The following MYPN variants were observed in gnomAD, a reference collection of about 807,000 sequenced individuals.
MYPN encodes myopalladin, also known as sarcomeric protein myopalladin, 145 kDa (MYOP).
Under a neutral mutation model 129.4 loss-of-function variants are expected in MYPN, and 63 were observed. That is an observed-to-expected ratio of 0.49 (90% confidence interval 0.40 to 0.60). MYPN has a LOEUF of 0.60. MYPN is among the 20% of genes least tolerant of loss of function. The probability of loss-of-function intolerance (pLI) is 0.00; values close to 1 mark genes in which losing one functional copy is unlikely to be tolerated. For synonymous variants in MYPN, 629 were observed against 600.9 expected (o/e 1.05, Z -0.68); for missense variants, 1,596 against 1,635.4 (o/e 0.98, Z 0.42).
At chr10:68,169,459 G>A (rs1309298533) in intron 10 of MYPN, among the ~76,000 whole-genome samples, 1 of 152,086 alleles carries the variant, frequency 6.6e-6, no homozygotes, top group African/African-American at 2.4e-5. Context: ...AGGTACGTCG[G>A]TTAGGATTAA....
At chr10:68,141,295 G>T (rs1161058294) in intron 2 of MYPN, among the ~76,000 whole-genome samples, 1 of 152,056 alleles carries the variant, frequency 6.6e-6, no homozygotes, top group African/African-American at 2.4e-5. Flanking sequence ...CTTGAACCCG[G>T]GGGGCAGAGG....
intron 10 of MYPN, 26 bp downstream of exon 10, chr10:68,166,692 C>T: frequency 1.9e-6 from 3 of 1,613,182 alleles, no homozygotes; most frequent in Non-Finnish European, 2.5e-6. Flanking sequence ...GATGAATAAC[C>T]AGGAGCTTCT....
intron 18 of MYPN, 82 bp from the exon 19 acceptor site, chr10:68,206,688 C>T: frequency 6.3e-7 from 1 of 1,589,806 alleles, no homozygotes; most frequent in Non-Finnish European, 8.6e-7. Context: ...GCTGAGTTCC[C>T]CCTTCTTCCT....
In MYPN at chr10:68,211,852, T is replaced by A. The variant is rs1347421450; in HGVS notation, c.*1397T>A. ...TGCAGGGAAATGAATTGCAGGTGTC[T>A]GTTTTCAATTCCCTGTGCTGGAATC... On this transcript the variant is annotated 3_prime_UTR_variant, in exon 20 of 20. Coordinates refer to ENST00000358913, the MANE Select transcript of MYPN (RefSeq NM_032578.4). 4.4e-6 allele frequency: 2 copies of A among 453,410 alleles called. No homozygotes were observed. The highest frequency in any genetic ancestry group is 2.0e-5 in the African/African-American group (1 of 50,008). The allele number at this position is 453,410 out of a possible 1,614,324, so 28.1% of individuals were successfully genotyped here. A position where few individuals can be genotyped will look rare whatever the true frequency, so the allele number is the denominator to read the frequency against.
intron 19 of MYPN, 95 bp downstream of exon 19, chr10:68,206,998 C>T (rs1335613211): frequency 2.7e-6 from 4 of 1,492,246 alleles, no homozygotes; most frequent in African/African-American, 1.4e-5. Flanking sequence ...TGGCTCATGC[C>T]TGTAATCCCA....
chr10:68,098,268 C>T (rs57179387), intron 1 of MYPN, among the ~76,000 whole-genome samples: 11,922 of 152,006 alleles, frequency 0.078, 1,231 homozygotes, highest in African/African-American at 0.24. Flanking sequence ...CTCAATTTTA[C>T]TATGGCTTTT....
At chr10:68,196,785 C>A (rs2043614252) in intron 15 of MYPN, among the ~76,000 whole-genome samples, 1 of 151,912 alleles carries the variant, frequency 6.6e-6, no homozygotes, top group Admixed American at 6.6e-5. Flanking sequence ...ACACCTGGCC[C>A]CCTCTCCCTT....
In MYPN at chr10:68,189,214, T is replaced by A. The variant is rs2043471865; in HGVS notation, c.2925+88T>A. 4 of 924,622 alleles carry A rather than the reference T, an allele frequency of 4.3e-6. No individual in the cohort carries two copies. The East Asian group carries it at 9.7e-5, about 22-fold the overall frequency. The allele number at this position is 924,622 out of a possible 1,614,324, so 57.3% of individuals were successfully genotyped here. A position where few individuals can be genotyped will look rare whatever the true frequency, so the allele number is the denominator to read the frequency against. On this transcript the variant is annotated intron_variant, in intron 13 of 19. Coordinates refer to ENST00000358913, the MANE Select transcript of MYPN (RefSeq NM_032578.4). Reference sequence around the variant, plus strand: ...GAAGGTCTTTAAAAAATATACGCAATGTTTTTTCTTCTTTTTTGTATTTGT... The same window carrying A: ...GAAGGTCTTTAAAAAATATACGCAAAGTTTTTTCTTCTTTTTTGTATTTGT...
intron 18 of MYPN, 137 bp downstream of exon 18, chr10:68,202,131 T>A: frequency 8.8e-7 from 1 of 1,136,786 alleles, no homozygotes; most frequent in Non-Finnish European, 1.3e-6. Context: ...TATTATTGTG[T>A]GTATTAAGAA....
chr10:68,199,575 G>A lies in MYPN; in HGVS notation c.3493G>A (p.Ala1165Thr). ...TTTTAGTCTGGAGCTCTCTGTAGTA[G>A]GTAAGGTTTGCTGCTGGGACCCCTA... ...NSFSLELSVV[A>T]KEVKKAPVIL... is the part of the protein sequence containing the mutation. The change falls in exon 17 of 20, where the codon GCC (alanine) becomes ACC (threonine). Residue 1165 changes from alanine (A) to threonine (T), a missense_variant and splice_region_variant. Coordinates refer to ENST00000358913, the MANE Select transcript of MYPN (RefSeq NM_032578.4). 6.3e-7 allele frequency: 1 copy of A among 1,587,014 alleles called. No individual in the cohort carries two copies. Among genetic ancestry groups the A allele is most frequent in the Non-Finnish European group, 8.6e-7 (1 of 1,165,062 alleles).
chr10:68,150,598 T>A (rs910817884), intron 6 of MYPN, among the ~76,000 whole-genome samples: 2 of 152,216 alleles, frequency 1.3e-5, no homozygotes, highest in African/African-American at 4.8e-5. Flanking sequence ...CTGAGTCTCA[T>A]AATCTTTGTA....
chr10:68,132,700 G>A (rs903153641), intron 2 of MYPN, among the ~76,000 whole-genome samples: 1 of 152,218 alleles, frequency 6.6e-6, no homozygotes. Context: ...ATTCCAAATG[G>A]TAGGGGGGAT....
intron 12 of MYPN, among the ~76,000 whole-genome samples, chr10:68,178,443 G>C (rs947828127): frequency 6.6e-6 from 1 of 152,136 alleles, no homozygotes; most frequent in Non-Finnish European, 1.5e-5. Context: ...GGCCGGGCAT[G>C]GTGGCTCAGG....
At chr10:68,100,949 T>TGA (rs1481453871) in intron 1 of MYPN, among the ~76,000 whole-genome samples, 6 of 152,336 alleles carry the variant, frequency 3.9e-5, no homozygotes, top group African/African-American at 1.4e-4. Context: ...TTAATGTTGC[T>TGA]GAGAGTCTAG....
upstream of MYPN, among the ~76,000 whole-genome samples, chr10:68,102,122 CTTTTTTTTTTT>C (rs35930233): frequency 7.4e-5 from 8 of 108,416 alleles, no homozygotes; most frequent in South Asian, 6.1e-4. Context: ...TTTCTCTCTC[CTTTTTTTTTTT>C]TTTTTTTTTT....
intron 10 of MYPN, among the ~76,000 whole-genome samples, chr10:68,170,462 A>C (rs987233892): frequency 6.6e-6 from 1 of 152,216 alleles, no homozygotes; most frequent in Non-Finnish European, 1.5e-5. Flanking sequence ...GTAAATCTAC[A>C]TGCCTACAAC....
chr10:68,173,545 G>A (rs1431827277), intron 10 of MYPN, among the ~76,000 whole-genome samples: 2 of 151,734 alleles, frequency 1.3e-5, no homozygotes, highest in Admixed American at 6.6e-5. Context: ...TGCCACTCTG[G>A]TTGTGTGTTC....
At chr10:68,205,119 C>T (rs1393450452) in intron 18 of MYPN, among the ~76,000 whole-genome samples, 8 of 152,086 alleles carry the variant, frequency 5.3e-5, no homozygotes, top group Non-Finnish European at 8.8e-5. Flanking sequence ...AAAGTAATCT[C>T]GTCTTAGTCG....
chr10:68,185,675 A>G (rs1210772331), intron 12 of MYPN, among the ~76,000 whole-genome samples: 1 of 152,236 alleles, frequency 6.6e-6, no homozygotes, highest in Non-Finnish European at 1.5e-5. Context: ...AATAGTAAAT[A>G]ATAAAATGTA....
Sources: gnomAD v4.1 joint callset for allele counts (sites outside exome capture counted in the v4.1 genomes callset) on GRCh38, gnomAD v4.1.1 for gene constraint, MANE v1.5 for transcripts, NCBI Gene and HGNC (gene_info 2026-07-23, HGNC 2026-07-21) for gene names.